The following NSD1 variants were observed in gnomAD, a reference collection of about 807,000 sequenced individuals.
NSD1 encodes nuclear receptor binding SET domain protein 1.
Under a neutral mutation model 242.7 loss-of-function variants are expected in NSD1, and 26 were observed. The observed-to-expected ratio is 0.11, with a 90% CI of 0.08 to 0.15. NSD1 has a LOEUF of 0.15. Among genes scored for constraint, NSD1 ranks in the 10% least tolerant of loss-of-function variants. The pLI is 1.00. For missense variants in NSD1, 2,495 were observed against 3,272.8 expected (o/e 0.76, Z 5.80); for synonymous variants, 1,106 against 1,178.1 (o/e 0.94, Z 1.25).
At chr5:177,167,232 C>T (rs560211891) in intron 2 of NSD1, among the ~76,000 whole-genome samples, 1 of 151,732 alleles carries the variant, frequency 6.6e-6, no homozygotes, top group East Asian at 1.9e-4. Flanking sequence ...TTGTTTTCTC[C>T]GTGTCAAAAA....
chr5:177,265,259 A>G, intron 14 of NSD1: 3 of 734,234 alleles, frequency 4.1e-6, no homozygotes, highest in Non-Finnish European at 7.4e-6. Flanking sequence ...TAAAAAAAAT[A>G]AAAGACCTCT....
At chr5:177,136,210 G>T in intron 2 of NSD1, 180 bp downstream of exon 2, 1 of 586,278 alleles carries the variant, frequency 1.7e-6, no homozygotes, top group Admixed American at 2.9e-5. Context: ...TCTGTTGTAT[G>T]AATTTGGTTG....
chr5:177,245,743 C>T (rs1246416346), intron 9 of NSD1, among the ~76,000 whole-genome samples: 1 of 150,476 alleles, frequency 6.6e-6, no homozygotes, highest in Non-Finnish European at 1.5e-5. Flanking sequence ...TCAAGCGATT[C>T]TCCTGCCTCA....
intron 12 of NSD1, among the ~76,000 whole-genome samples, chr5:177,252,348 T>C (rs1444813458): frequency 6.6e-6 from 1 of 152,180 alleles, no homozygotes; most frequent in Non-Finnish European, 1.5e-5. Context: ...TGAGCATGTT[T>C]ACTTCATCAA....
At chr5:177,217,381 G>A (rs772123881) in intron 5 of NSD1, among the ~76,000 whole-genome samples, 14 of 152,022 alleles carry the variant, frequency 9.2e-5, no homozygotes, top group African/African-American at 2.2e-4. Flanking sequence ...TTCTAATAGC[G>A]TGTGGAATCT....
At position 177,192,391 on chromosome 5, in the gene NSD1, T is replaced by C. The variant is rs188604489; in HGVS notation, c.1063+372T>C. Among the ~76,000 whole-genome samples, 513 of 145,228 alleles carry C rather than the reference T, an allele frequency of 3.5e-3. 3 individuals are homozygous for C. Among genetic ancestry groups the C allele is most frequent in the African/African-American group, 0.013 (503 of 39,996 alleles). On this transcript the variant is annotated intron_variant, in intron 3 of 22. Coordinates refer to ENST00000439151, the MANE Select transcript of NSD1 (RefSeq NM_022455.5). ...ACGCTTGGCTAATTTTTGTTTTTTG[T>C]TTTTTTTTTTAATTTTTTATTTGAG...
intron 5 of NSD1, among the ~76,000 whole-genome samples, 171 bp downstream of exon 5, chr5:177,212,366 T>C (rs980955022): frequency 2.0e-5 from 3 of 152,186 alleles, no homozygotes; most frequent in Admixed American, 6.6e-5. Context: ...ATTTTGAAGA[T>C]GAGATTTCCA....
chr5:177,295,678 A>G lies in NSD1; in HGVS notation c.*219A>G. On this transcript the variant is annotated 3_prime_UTR_variant, in exon 23 of 23. Coordinates refer to ENST00000439151, the MANE Select transcript of NSD1 (RefSeq NM_022455.5). This position sits in a 1 kb window ranked among gnomAD's most constrained non-coding sequence, Gnocchi z 4.3. Reference sequence around the variant, plus strand: ...ATGTATGAAAATCCAGTGGGCCCCAACCAAGGAGACAGACAGACTTGGGTC... The same window carrying G: ...ATGTATGAAAATCCAGTGGGCCCCAGCCAAGGAGACAGACAGACTTGGGTC... 2 of 608,744 alleles carry G rather than the reference A, an allele frequency of 3.3e-6. No homozygotes were observed. Among genetic ancestry groups the G allele is most frequent in the South Asian group, 3.9e-5 (2 of 51,844 alleles). 37.7% of individuals were successfully genotyped at this position (608,744 alleles called of 1,614,324 possible). A position where few individuals can be genotyped will look rare whatever the true frequency, so the allele number is the denominator to read the frequency against.
intron 13 of NSD1, among the ~76,000 whole-genome samples, chr5:177,259,234 G>A (rs927823315): frequency 3.3e-5 from 5 of 152,236 alleles, no homozygotes; most frequent in Non-Finnish European, 7.3e-5. Context: ...CAGTGTTGAT[G>A]TTTGTTTTAA....
intron 2 of NSD1, among the ~76,000 whole-genome samples, chr5:177,191,360 T>G (rs1761682118): frequency 6.6e-6 from 1 of 152,122 alleles, no homozygotes; most frequent in Non-Finnish European, 1.5e-5. Flanking sequence ...GAAAGTAAAG[T>G]GTTAGCTGGG....
intron 17 of NSD1, among the ~76,000 whole-genome samples, chr5:177,277,366 CTTCA>C (rs1374148805): frequency 1.3e-5 from 2 of 152,136 alleles, no homozygotes; most frequent in Non-Finnish European, 2.9e-5. Flanking sequence ...AGGCATGCTT[CTTCA>C]TTTACATATT....
At chr5:177,191,450 A>T (rs1239476961) in intron 2 of NSD1, among the ~76,000 whole-genome samples, 1 of 152,198 alleles carries the variant, frequency 6.6e-6, no homozygotes, top group Non-Finnish European at 1.5e-5. Flanking sequence ...AAGCATGTAG[A>T]ATATCACATG....
In NSD1 at chr5:177,294,168, A is replaced by T; in HGVS notation, c.6800A>T (p.Lys2267Ile). 2.5e-6 allele frequency: 4 copies of T among 1,614,190 alleles called. No homozygotes were observed. The highest frequency in any genetic ancestry group is 3.4e-6 in the Non-Finnish European group (4 of 1,180,038). ...AACCAGATGCTGTCGCTCTCCAAAA[A>T]AGCTCTGGCAGGGACTTGTCAGAGG... is the stretch of plus-strand genomic sequence containing the variant. The part of the protein sequence containing the change: ...DTNQMLSLSK[K>I]ALAGTCQRPL... The change falls in exon 23 of 23, where the codon AAA becomes ATA. Residue 2267 changes from lysine to isoleucine, a missense_variant. Physicochemically the swap from Lys to Ile is moderately radical, Grantham distance 102. Coordinates refer to ENST00000439151, the MANE Select transcript of NSD1 (RefSeq NM_022455.5).
At chr5:177,187,923 G>A (rs915129332) in intron 2 of NSD1, among the ~76,000 whole-genome samples, 1 of 151,958 alleles carries the variant, frequency 6.6e-6, no homozygotes, top group Non-Finnish European at 1.5e-5. Context: ...CACAGAATTC[G>A]GCCCAATACC....
intron 5 of NSD1, among the ~76,000 whole-genome samples, chr5:177,213,978 G>GTT (rs57480249): frequency 4.7e-5 from 7 of 147,398 alleles, no homozygotes; most frequent in African/African-American, 1.7e-4. Flanking sequence ...ACCTTTTTTG[G>GTT]TTTTTTTTTT....
Position 177,289,883 on chromosome 5 carries a change from A to G in NSD1, c.6258+958A>G, listed in dbSNP as rs577032514. Among the ~76,000 whole-genome samples, 10 of 149,962 alleles carry G rather than the reference A, an allele frequency of 6.7e-5. No individual in the cohort carries two copies. The East Asian group carries it at 9.8e-4, about 15-fold the overall frequency. The stretch of plus-strand genomic sequence containing the variant: ...CGCTCTGTTGCCCAGGCTGGAGTGC[A>G]GTGGCGCAATCTCGGCTCACTGCAA... On this transcript the variant is annotated intron_variant, in intron 21 of 22. Transcript: ENST00000439151.
In NSD1 at chr5:177,295,487, A is replaced by G. The variant is rs1760200775; in HGVS notation, c.*28A>G. 6.2e-7 allele frequency: 1 copy of G among 1,610,100 alleles called. No individual in the cohort carries two copies. The highest frequency in any genetic ancestry group is 8.5e-7 in the Non-Finnish European group (1 of 1,177,296). On this transcript the variant is annotated 3_prime_UTR_variant, in exon 23 of 23. Transcript: ENST00000439151. This position sits in a 1 kb window ranked among gnomAD's most constrained non-coding sequence, Gnocchi z 4.3. ...CCAATCAATGTCACATGAACAAACA[A>G]GCTGCCCCCAGGGTACCATTTGGGG...
At chr5:177,142,784 A>G (rs1019980492) in intron 2 of NSD1, among the ~76,000 whole-genome samples, 1 of 152,152 alleles carries the variant, frequency 6.6e-6, no homozygotes. Context: ...AAAATGAGAA[A>G]TACTGGGTCT....
intron 2 of NSD1, among the ~76,000 whole-genome samples, chr5:177,136,678 C>G (rs1374780609): frequency 6.6e-6 from 1 of 151,558 alleles, no homozygotes; most frequent in Non-Finnish European, 1.5e-5. Flanking sequence ...ACTGCAACCT[C>G]TGCCTCTTGG....
Sources: gnomAD v4.1 joint callset for allele counts (sites outside exome capture counted in the v4.1 genomes callset) on GRCh38, gnomAD v4.1.1 for gene constraint, Gnocchi (gnomAD v3.1) non-coding constraint, MANE v1.5 for transcripts, NCBI Gene and HGNC (gene_info 2026-07-23, HGNC 2026-07-21) for gene names.